Variants in SLCO6A1 observed in about 807,000 individuals in gnomAD.
SLCO6A1 encodes cancer/testis antigen 48.
SLCO6A1 carries 65 observed loss-of-function variants against 72.7 expected under a neutral mutation model. The ratio of observed to expected loss-of-function variants is 0.89; its 90% CI spans 0.73 to 1.10. SLCO6A1 has a LOEUF of 1.10. Among genes scored for constraint, SLCO6A1 ranks in the 50% least tolerant of loss-of-function variants. The pLI is 0.00. For synonymous variants in SLCO6A1, 314 were observed against 298.2 expected (o/e 1.05, Z -0.55); for missense variants, 874 against 872.6 (o/e 1.00, Z -0.02).
At chr5:102,405,726 A>C (rs1006017263) in intron 9 of SLCO6A1, among the ~76,000 whole-genome samples, 1 of 152,102 alleles carries the variant, frequency 6.6e-6, no homozygotes, top group Non-Finnish European at 1.5e-5. Flanking sequence ...CGAAACTCAC[A>C]TCTTCATGAA....
chr5:102,485,579 G>A (rs142820547), intron 1 of SLCO6A1, among the ~76,000 whole-genome samples: 1 of 152,286 alleles, frequency 6.6e-6, no homozygotes, highest in Non-Finnish European at 1.5e-5. Context: ...GAAGGCTCAC[G>A]TAAGCTTCCC....
At chr5:102,409,846 C>T (rs1265822540) in intron 9 of SLCO6A1, among the ~76,000 whole-genome samples, 2 of 152,070 alleles carry the variant, frequency 1.3e-5, no homozygotes, top group African/African-American at 2.4e-5. Flanking sequence ...AAAAAGGACG[C>T]AGGGGTTACA....
chr5:102,492,465 A>G (rs1752726341), intron 1 of SLCO6A1, among the ~76,000 whole-genome samples: 1 of 152,178 alleles, frequency 6.6e-6, no homozygotes, highest in South Asian at 2.1e-4. Flanking sequence ...CGTGAGCAAC[A>G]TAGAAGACAG....
At chr5:102,394,400 T>C (rs1449306615) in intron 10 of SLCO6A1, among the ~76,000 whole-genome samples, 1 of 152,166 alleles carries the variant, frequency 6.6e-6, no homozygotes. Flanking sequence ...GAAGGCACAC[T>C]GGAGAAATTT....
At chr5:102,446,925 T>C (rs1304452510) in intron 6 of SLCO6A1, among the ~76,000 whole-genome samples, 1 of 152,042 alleles carries the variant, frequency 6.6e-6, no homozygotes, top group Non-Finnish European at 1.5e-5. Context: ...CTGCTAATTT[T>C]TTGTATTTTG....
intron 1 of SLCO6A1, among the ~76,000 whole-genome samples, chr5:102,492,152 C>G (rs1160342346): frequency 6.6e-6 from 1 of 152,216 alleles, no homozygotes; most frequent in Non-Finnish European, 1.5e-5. Context: ...CACCAGGACC[C>G]TCCTCCAACA....
chr5:102,434,844 T>A (rs970536178), intron 7 of SLCO6A1, among the ~76,000 whole-genome samples: 2 of 152,186 alleles, frequency 1.3e-5, no homozygotes, highest in Non-Finnish European at 2.9e-5. Flanking sequence ...AGAAGATTCC[T>A]TCTGCTTTCA....
At chr5:102,468,399 T>G (rs952515676) in intron 4 of SLCO6A1, among the ~76,000 whole-genome samples, 1 of 152,112 alleles carries the variant, frequency 6.6e-6, no homozygotes, top group African/African-American at 2.4e-5. Flanking sequence ...ACTTTCTGTC[T>G]TGATGACCTA....
At chr5:102,373,022 C>T (rs976781055) in intron 13 of SLCO6A1, among the ~76,000 whole-genome samples, 14 of 151,776 alleles carry the variant, frequency 9.2e-5, no homozygotes, top group Admixed American at 6.6e-4. Flanking sequence ...AAAAGGGAAC[C>T]TAATTAATTC....
intron 9 of SLCO6A1, among the ~76,000 whole-genome samples, chr5:102,406,227 T>C (rs1031923583): frequency 2.0e-5 from 3 of 152,064 alleles, no homozygotes; most frequent in Non-Finnish European, 2.9e-5. Context: ...CTATGCTGGC[T>C]ACAGGAGACA....
rs55760520 is a variant in SLCO6A1, at chr5:102,392,701, G to A, written c.1815-1656C>T. On this transcript the variant is annotated intron_variant, in intron 10 of 13. Coordinates refer to ENST00000506729, the MANE Select transcript of SLCO6A1 (RefSeq NM_173488.5). Reference sequence around the variant, plus strand: ...AAAACTACTGTGCTTTAACAAAAAAGCATTAACATTTTTAAAATCTAATCT... The same window carrying A: ...AAAACTACTGTGCTTTAACAAAAAAACATTAACATTTTTAAAATCTAATCT... Among the ~76,000 whole-genome samples the A allele has an allele frequency of 5.8e-3, 885 of 151,728 alleles. 9 individuals are homozygous for A. The highest frequency in any genetic ancestry group is 0.021 in the African/African-American group (850 of 41,408).
intron 7 of SLCO6A1, among the ~76,000 whole-genome samples, chr5:102,424,114 C>T (rs1378455464): frequency 5.3e-5 from 8 of 152,042 alleles, no homozygotes; most frequent in African/African-American, 1.9e-4. Flanking sequence ...TGGGACACAG[C>T]TAAAGCAGTG....
At chr5:102,412,572 G>C (rs1748043926) in intron 9 of SLCO6A1, among the ~76,000 whole-genome samples, 1 of 151,980 alleles carries the variant, frequency 6.6e-6, no homozygotes, top group Non-Finnish European at 1.5e-5. Context: ...ACCAGCTTGG[G>C]CAGCATGGCA....
chr5:102,476,418 C>T lies in SLCO6A1; in HGVS notation c.803-625G>A, dbSNP rs1751904051. Among the ~76,000 whole-genome samples, 3 of 152,256 alleles carry T rather than the reference C, an allele frequency of 2.0e-5. No homozygotes were observed. In the South Asian group the frequency reaches 6.2e-4, roughly 32 times the overall value. On this transcript the variant is annotated intron_variant, in intron 3 of 13. Transcript: ENST00000506729. The stretch of plus-strand genomic sequence containing the variant: ...GTAGAATTGCTTCTTCAGAAAACCT[C>T]AGTTTTTGCTCATAGAACCTTCAAC...
intron 1 of SLCO6A1, among the ~76,000 whole-genome samples, chr5:102,495,193 C>T (rs889626836): frequency 2.0e-5 from 3 of 152,092 alleles, no homozygotes; most frequent in African/African-American, 7.2e-5. Context: ...AAATGTAAGA[C>T]TCTAATGACA....
At chr5:102,450,383 C>A (rs1454740379) in intron 6 of SLCO6A1, among the ~76,000 whole-genome samples, 2 of 152,296 alleles carry the variant, frequency 1.3e-5, no homozygotes, top group African/African-American at 2.4e-5. Flanking sequence ...GGTTTCACAG[C>A]GGGATATATT....
intron 8 of SLCO6A1, among the ~76,000 whole-genome samples, chr5:102,414,572 A>T (rs563171176): frequency 6.6e-6 from 1 of 152,260 alleles, no homozygotes; most frequent in Non-Finnish European, 1.5e-5. Context: ...AATTAGTAAC[A>T]TTTTTATACA....
chr5:102,463,584 A>T (rs569469256), intron 4 of SLCO6A1, among the ~76,000 whole-genome samples: 1 of 152,290 alleles, frequency 6.6e-6, no homozygotes, highest in South Asian at 2.1e-4. Context: ...ATACTACTCC[A>T]CCATAAAAAG....
At chr5:102,391,223 T>C in intron 10 of SLCO6A1, 178 bp from the exon 11 acceptor site, 1 of 578,376 alleles carries the variant, frequency 1.7e-6, no homozygotes, top group Non-Finnish European at 3.1e-6. Context: ...CATTTCTCCA[T>C]ATCCTGCCCC....
Sources: gnomAD v4.1 joint callset for allele counts (sites outside exome capture counted in the v4.1 genomes callset) on GRCh38, gnomAD v4.1.1 for gene constraint, MANE v1.5 for transcripts, NCBI Gene and HGNC (gene_info 2026-07-23, HGNC 2026-07-21) for gene names.